The following LMLN variants were observed in gnomAD, a reference collection of about 807,000 sequenced individuals.
The protein encoded by LMLN is leishmanolysin like peptidase.
A neutral mutation model predicts 92.3 loss-of-function variants in LMLN; 70 were observed. The ratio of observed to expected loss-of-function variants is 0.76; its 90% CI spans 0.63 to 0.92. LMLN has a LOEUF of 0.92. LMLN is among the 40% of genes least tolerant of loss of function. LMLN has a pLI of 0.00. For synonymous variants in LMLN, 308 were observed against 296.2 expected (o/e 1.04, Z -0.41); for missense variants, 691 against 814.6 (o/e 0.85, Z 1.85).
At chr3:197,984,027 A>G (rs747586562) in exon 7 of LMLN, 1 of 1,611,492 alleles carries the variant, frequency 6.2e-7, no homozygotes, top group Admixed American at 1.7e-5. Context: ...CCACAGTGAA[A>G]CATGAGGTTA....
chr3:197,977,382 G>A (rs1721414699), intron 5 of LMLN, among the ~76,000 whole-genome samples: 1 of 152,024 alleles, frequency 6.6e-6, no homozygotes, highest in South Asian at 2.1e-4. Flanking sequence ...CGTTAAATCT[G>A]GGTACATATA....
In LMLN at chr3:198,025,045, G is replaced by A. The variant is rs1722891181; in HGVS notation, c.1656+257G>A. ...GGGCATATATTCTGAGGAAGTAATGGTAAATAGGTAATTTTGTTCTTGAGC... is the reference window on the plus strand; with the variant it reads ...GGGCATATATTCTGAGGAAGTAATGATAAATAGGTAATTTTGTTCTTGAGC... On this transcript the variant is annotated intron_variant, in intron 14 of 15. Coordinates refer to ENST00000330198, the Ensembl canonical transcript of LMLN. The surrounding 1 kb of genome is among the most constrained non-coding windows in gnomAD (Gnocchi z 4.3). Among the ~76,000 whole-genome samples the A allele has an allele frequency of 6.6e-6, 1 of 152,148 alleles. No individual in the cohort carries two copies. Among genetic ancestry groups the A allele is most frequent in the South Asian group, 2.1e-4 (1 of 4,830 alleles).
chr3:198,029,466 G>A (rs1404596753), intron 14 of LMLN, among the ~76,000 whole-genome samples: 1 of 152,144 alleles, frequency 6.6e-6, no homozygotes, highest in Non-Finnish European at 1.5e-5. Context: ...GAGGTCAGGA[G>A]TTCGAGATCA....
intron 1 of LMLN, among the ~76,000 whole-genome samples, chr3:197,964,560 A>G (rs1265306399): frequency 1.3e-5 from 2 of 151,668 alleles, no homozygotes; most frequent in Non-Finnish European, 2.9e-5. Flanking sequence ...CACCACACCC[A>G]GCTAATTTTT....
intron 14 of LMLN, among the ~76,000 whole-genome samples, chr3:198,033,279 C>T (rs1207591812): frequency 6.6e-6 from 1 of 152,106 alleles, no homozygotes; most frequent in Non-Finnish European, 1.5e-5. Context: ...TGCTGTCTTC[C>T]ATGAAAGTTT....
Position 197,996,187 on chromosome 3 carries a change from A to C in LMLN, c.1060A>C (p.Lys354Gln), listed in dbSNP as rs1472164061. 6.4e-7 allele frequency: 1 copy of C among 1,565,830 alleles called. No individual in the cohort carries two copies. The highest frequency in any genetic ancestry group is 2.4e-5 in the East Asian group (1 of 41,752). Residue 354 changes from lysine to glutamine, a missense_variant, in exon 10 of 16, where the codon AAA (lysine) becomes CAA (glutamine). Lys to Gln is a moderately conservative substitution (Grantham distance 53). This residue lies in a region of LMLN where 352 missense variants were observed against 443.6 expected (regional missense o/e 0.79). Coordinates refer to ENST00000330198, the Ensembl canonical transcript of LMLN. ...TTCTGGTTCTTAGGAGGAAGCACGA[A>C]AACATTTTGATTGTCCAGTTCTAGA...
chr3:197,966,307 G>A (rs1174532053), intron 1 of LMLN, among the ~76,000 whole-genome samples: 1 of 152,122 alleles, frequency 6.6e-6, no homozygotes, highest in African/African-American at 2.4e-5. Flanking sequence ...CTCCCAAAGT[G>A]TTGGGATTAC....
At chr3:198,024,256 C>T (rs955401358) in intron 13 of LMLN, among the ~76,000 whole-genome samples, 1 of 149,304 alleles carries the variant, frequency 6.7e-6, no homozygotes, top group Non-Finnish European at 1.5e-5. Context: ...CTCTCTGTCG[C>T]CCAGGCTGGA....
chr3:197,965,947 A>G (rs191829153), intron 1 of LMLN, among the ~76,000 whole-genome samples: 26 of 152,324 alleles, frequency 1.7e-4, no homozygotes, highest in Non-Finnish European at 3.1e-4. Flanking sequence ...TTGTGGTTCA[A>G]GCTTACATGT....
chr3:197,975,170 A>C (rs1374797977), intron 3 of LMLN, 98 bp downstream of exon 3: 1 of 680,770 alleles, frequency 1.5e-6, no homozygotes, highest in African/African-American at 1.9e-5. Context: ...GACTTTTGTG[A>C]CTGAATGAAA....
At chr3:197,995,818 A>G (rs1722002242) in intron 9 of LMLN, among the ~76,000 whole-genome samples, 2 of 152,084 alleles carry the variant, frequency 1.3e-5, no homozygotes, top group Non-Finnish European at 1.5e-5. Flanking sequence ...TCATAACATC[A>G]CTCTGTACTC....
exon 16 of LMLN, chr3:198,040,610 C>T (rs543304111): frequency 5.8e-5 from 7 of 121,380 alleles, no homozygotes; most frequent in East Asian, 2.3e-4. Flanking sequence ...CCACAACCCT[C>T]GGACAGACTC....
intron 11 of LMLN, among the ~76,000 whole-genome samples, chr3:198,006,866 C>T (rs1722309023): frequency 6.6e-6 from 1 of 152,150 alleles, no homozygotes; most frequent in South Asian, 2.1e-4. Context: ...GCACGTACCA[C>T]TATGTCTGGC....
intron 15 of LMLN, among the ~76,000 whole-genome samples, chr3:198,036,591 G>C (rs1723240851): frequency 1.3e-5 from 2 of 152,254 alleles, no homozygotes; most frequent in East Asian, 1.9e-4. Flanking sequence ...TGAGACTCCA[G>C]AGAATGGAAC....
At chr3:198,030,397 C>T (rs1050953743) in intron 14 of LMLN, among the ~76,000 whole-genome samples, 2 of 152,180 alleles carry the variant, frequency 1.3e-5, no homozygotes, top group Admixed American at 6.5e-5. Flanking sequence ...ATTACTTCCC[C>T]GTTCTCCCCA....
chr3:197,969,186 A>G (rs1439474255), intron 1 of LMLN, among the ~76,000 whole-genome samples: 2 of 151,976 alleles, frequency 1.3e-5, no homozygotes, highest in Admixed American at 6.6e-5. Flanking sequence ...AGCTCAAGCA[A>G]TCCTCCCACC....
At chr3:197,964,950 T>G (rs1207211842) in intron 1 of LMLN, among the ~76,000 whole-genome samples, 1 of 149,850 alleles carries the variant, frequency 6.7e-6, no homozygotes, top group African/African-American at 2.5e-5. Flanking sequence ...GAGTTTGTAG[T>G]GAGCTGAGAT....
intron 13 of LMLN, among the ~76,000 whole-genome samples, chr3:198,021,924 C>T (rs1473516235): frequency 5.3e-5 from 8 of 152,174 alleles, no homozygotes; most frequent in Non-Finnish European, 8.8e-5. Context: ...TCTAGCTGCA[C>T]GGCACTTTCC....
chr3:198,030,534 T>A (rs1288947298), intron 14 of LMLN, among the ~76,000 whole-genome samples: 1 of 152,236 alleles, frequency 6.6e-6, no homozygotes, highest in African/African-American at 2.4e-5. Context: ...ACCAGATACC[T>A]GAGGTATTCT....
Sources: gnomAD v4.1 joint callset for allele counts (sites outside exome capture counted in the v4.1 genomes callset) on GRCh38, gnomAD v4.1.1 for gene constraint, gnomAD v4.1.1 regional missense constraint, Gnocchi (gnomAD v3.1) non-coding constraint, MANE v1.5 for transcripts, NCBI Gene and HGNC (gene_info 2026-07-23, HGNC 2026-07-21) for gene names.